PHKB: variants seen among roughly 807,000 people sequenced by gnomAD.
PHKB encodes the protein phosphorylase kinase regulatory subunit beta, also known as phosphorylase b kinase regulatory subunit beta.
In PHKB, 122 loss-of-function variants were observed where a neutral mutation model predicts 152.1. The ratio of observed to expected loss-of-function variants is 0.80; its 90% CI spans 0.69 to 0.93. The LOEUF is 0.93. PHKB is among the 40% of genes least tolerant of loss of function. The pLI, the probability that PHKB is intolerant of heterozygous loss-of-function variation, is 0.00. For missense variants in PHKB, 1,304 were observed against 1,328.4 expected (o/e 0.98, Z 0.29); for synonymous variants, 436 against 464.9 (o/e 0.94, Z 0.80).
At chr16:47,556,947 T>A (rs1170333722) in intron 7 of PHKB, among the ~76,000 whole-genome samples, 3 of 152,196 alleles carry the variant, frequency 2.0e-5, no homozygotes, top group Non-Finnish European at 4.4e-5. Context: ...CAATTTCAGA[T>A]CCTGTTATTG....
At position 47,680,323 on chromosome 16, in the gene PHKB, G is replaced by A. The variant is rs184649323; in HGVS notation, c.2631-8718G>A. On this transcript the variant is annotated intron_variant, in intron 26 of 30. Transcript: ENST00000323584. ...AGGATTCCCTCTTTTTCTATTGATT[G>A]GAATAGTTTCAGAAGGAATGGTACC... Among the ~76,000 whole-genome samples the A allele has an allele frequency of 3.3e-5, 5 of 152,200 alleles. No individual in the cohort carries two copies. The East Asian group carries it at 9.6e-4, about 29-fold the overall frequency.
At chr16:47,665,882 C>T in intron 25 of PHKB, 1 of 1,141,324 alleles carries the variant, frequency 8.8e-7, no homozygotes, top group Non-Finnish European at 1.3e-6. Context: ...ATCAGGGCCC[C>T]ATGCATTCCT....
At chr16:47,581,182 A>T (rs751996624) in intron 8 of PHKB, among the ~76,000 whole-genome samples, 13 of 152,236 alleles carry the variant, frequency 8.5e-5, no homozygotes, top group Non-Finnish European at 1.8e-4. Context: ...GGTTTTTGTT[A>T]TGGCAATTAT....
chr16:47,466,006 G>T (rs946745274), intron 1 of PHKB, among the ~76,000 whole-genome samples: 1 of 152,098 alleles, frequency 6.6e-6, no homozygotes, highest in African/African-American at 2.4e-5. Context: ...CAATGTACCT[G>T]CATTGTTTTA....
intron 27 of PHKB, among the ~76,000 whole-genome samples, chr16:47,691,831 A>C (rs1036321865): frequency 5.9e-5 from 9 of 152,388 alleles, no homozygotes; most frequent in Admixed American, 5.2e-4. Flanking sequence ...AGGATCTTTC[A>C]AAATAATTTT....
At position 47,600,408 on chromosome 16, in the gene PHKB, G is replaced by A. The variant is rs192121994; in HGVS notation, c.1363+3877G>A. On this transcript the variant is annotated intron_variant, in intron 13 of 30. Coordinates refer to ENST00000323584, the MANE Select transcript of PHKB (RefSeq NM_000293.3). ...AGACGTATCTTAAGATATATTTGAC[G>A]TGTCTTAGAATAAAATGGTCATTAG... Among the ~76,000 whole-genome samples the A allele has an allele frequency of 3.9e-4, 60 of 152,076 alleles. No individual in the cohort carries two copies. In the East Asian group the frequency reaches 8.1e-3, roughly 21 times the overall value.
At chr16:47,568,953 T>C (rs756683388) in intron 7 of PHKB, among the ~76,000 whole-genome samples, 4 of 152,226 alleles carry the variant, frequency 2.6e-5, no homozygotes, top group Non-Finnish European at 5.9e-5. Context: ...ATGGTCTATC[T>C]TGGAAAATGT....
At chr16:47,479,898 A>C (rs1175068467) in intron 1 of PHKB, among the ~76,000 whole-genome samples, 1 of 151,798 alleles carries the variant, frequency 6.6e-6, no homozygotes, top group Non-Finnish European at 1.5e-5. Context: ...TTGCTGGTGT[A>C]CTCCAGGTTC....
chr16:47,693,583 A>G, intron 28 of PHKB, 76 bp downstream of exon 28: 1 of 1,468,984 alleles, frequency 6.8e-7, no homozygotes, highest in Non-Finnish European at 9.5e-7. Flanking sequence ...TGCACTGCAA[A>G]TAACTTTTCT....
intron 7 of PHKB, among the ~76,000 whole-genome samples, chr16:47,557,961 A>T (rs1291741729): frequency 2.6e-5 from 4 of 152,062 alleles, no homozygotes; most frequent in Admixed American, 1.3e-4. Context: ...ACTATTCACA[A>T]TAGCAAAGAC....
chr16:47,683,353 C>G (rs1324534269), intron 26 of PHKB, among the ~76,000 whole-genome samples: 3 of 152,222 alleles, frequency 2.0e-5, no homozygotes, highest in Non-Finnish European at 4.4e-5. Context: ...CTGTGCCTTG[C>G]CCCCAGAGGT....
intron 6 of PHKB, among the ~76,000 whole-genome samples, chr16:47,516,314 G>A (rs1477461507): frequency 2.0e-5 from 3 of 152,084 alleles, no homozygotes; most frequent in African/African-American, 4.8e-5. Context: ...ATTTTTATTT[G>A]TAGGATCTCA....
intron 7 of PHKB, among the ~76,000 whole-genome samples, chr16:47,552,929 G>T (rs1052479427): frequency 3.3e-5 from 5 of 152,138 alleles, no homozygotes; most frequent in African/African-American, 1.2e-4. Flanking sequence ...GCTTCCCTTT[G>T]TGGGTAACCC....
intron 6 of PHKB, among the ~76,000 whole-genome samples, chr16:47,516,030 C>G (rs1440894306): frequency 6.6e-6 from 1 of 151,430 alleles, no homozygotes; most frequent in Non-Finnish European, 1.5e-5. Flanking sequence ...CAGGTTCAAG[C>G]GATTCCCCTG....
At chr16:47,462,502 C>CG (rs1270191605) in intron 1 of PHKB, 1 of 152,062 alleles carries the variant, frequency 6.6e-6, no homozygotes, top group Non-Finnish European at 1.5e-5. Flanking sequence ...GGCGTGGTGG[C>CG]GGGCGCCTGT....
intron 14 of PHKB, among the ~76,000 whole-genome samples, chr16:47,640,049 A>G (rs1459828220): frequency 1.3e-5 from 2 of 152,232 alleles, no homozygotes; most frequent in African/African-American, 2.4e-5. Context: ...TTTAAATCAC[A>G]TGAAAGTCTG....
intron 4 of PHKB, among the ~76,000 whole-genome samples, chr16:47,510,638 A>T (rs1329997137): frequency 6.6e-6 from 1 of 152,210 alleles, no homozygotes; most frequent in Non-Finnish European, 1.5e-5. Context: ...AACTACATTG[A>T]TGTGGGAGTC....
intron 26 of PHKB, among the ~76,000 whole-genome samples, chr16:47,685,428 A>G (rs1291452762): frequency 6.6e-6 from 1 of 152,188 alleles, no homozygotes; most frequent in African/African-American, 2.4e-5. Context: ...CCTCCTCAAA[A>G]AGAAAAAAAA....
At chr16:47,560,655 A>C (rs1971460106) in intron 7 of PHKB, among the ~76,000 whole-genome samples, 3 of 152,210 alleles carry the variant, frequency 2.0e-5, no homozygotes, top group African/African-American at 7.2e-5. Flanking sequence ...AAGACAATTC[A>C]GGGGGAAAGG....
Sources: allele counts gnomAD v4.1 joint callset (sites outside exome capture counted in the v4.1 genomes callset), GRCh38; gene constraint gnomAD v4.1.1; transcripts MANE v1.5; gene names NCBI Gene and HGNC (gene_info 2026-07-23, HGNC 2026-07-21).